Variants in PPP1R16A observed in about 807,000 individuals in gnomAD.
The protein encoded by PPP1R16A is protein phosphatase 1 regulatory subunit 16A.
Under a neutral mutation model 46.6 loss-of-function variants are expected in PPP1R16A, and 39 were observed. The observed-to-expected ratio is 0.84, with a 90% CI of 0.65 to 1.09. PPP1R16A has a LOEUF of 1.09. PPP1R16A is among the 50% of genes least tolerant of loss of function. PPP1R16A has a pLI of 0.00. For missense variants in PPP1R16A, 798 were observed against 735.6 expected, an observed-to-expected ratio of 1.08 and a Z score of -0.98; for synonymous variants, 413 against 321.5, an observed-to-expected ratio of 1.28 and a Z score of -3.04.
Position 144,497,209 on chromosome 8 carries a change from G to A in PPP1R16A, c.15G>A (p.Leu5=), listed in dbSNP as rs368411727. The change falls in exon 3 of 12, where the codon CTG becomes CTA. Residue 5 remains leucine (L), a synonymous_variant. Coordinates refer to ENST00000435887, the MANE Select transcript of PPP1R16A (RefSeq NM_001329443.2). MAEH[L]ELLAEMPMVG... The stretch of plus-strand genomic sequence containing the variant: ...CAGCCGCCGCCATGGCCGAGCACCT[G>A]GAGCTGCTGGCAGAGATGCCCATGG... 9 of 1,580,502 alleles carry A rather than the reference G, an allele frequency of 5.7e-6. No individual in the cohort carries two copies. Among genetic ancestry groups the A allele is most frequent in the Non-Finnish European group, 7.7e-6 (9 of 1,165,422 alleles).
intron 3 of PPP1R16A, chr8:144,497,757 A>G (rs377741198): frequency 6.4e-5 from 33 of 519,546 alleles, no homozygotes; most frequent in African/African-American, 6.3e-4. Flanking sequence ...GCCTGCAGAA[A>G]AACCTAGTGC....
intron 1 of PPP1R16A, among the ~76,000 whole-genome samples, chr8:144,481,902 T>G (rs1455807551): frequency 6.6e-6 from 1 of 151,686 alleles, no homozygotes; most frequent in Admixed American, 6.6e-5. Context: ...CTCAGCCTTC[T>G]GAGTAGCTGG....
chr8:144,488,922 G>A (rs1042608432), intron 1 of PPP1R16A, among the ~76,000 whole-genome samples: 2 of 151,690 alleles, frequency 1.3e-5, no homozygotes, highest in Admixed American at 6.6e-5. Flanking sequence ...GCCCCCTCCT[G>A]GCCTGGTGCA....
In PPP1R16A at chr8:144,499,303, C is replaced by CG. The variant is rs1027564455; in HGVS notation, c.476+245dup. ...GTCCTCCTGCCGAGAGGGCAGGCCT[C>CG]GGGCCCCCCCCCAGAGTGTGCACAG... On this transcript the variant is annotated intron_variant, in intron 5 of 11. Transcript: ENST00000435887. 5.4e-6 allele frequency: 3 copies of CG among 553,656 alleles called. No individual in the cohort carries two copies. In the African/African-American group the frequency reaches 5.6e-5, roughly 10 times the overall value. 34.3% of individuals were successfully genotyped at this position (553,656 alleles called of 1,614,324 possible). A position where few individuals can be genotyped will look rare whatever the true frequency, so the allele number is the denominator to read the frequency against.
intron 2 of PPP1R16A, among the ~76,000 whole-genome samples, chr8:144,490,608 C>T (rs933203018): frequency 3.9e-5 from 6 of 152,118 alleles, no homozygotes; most frequent in East Asian, 1.9e-4. Context: ...TCCAAATGAA[C>T]GGTGAACAGT....
At chr8:144,487,535 A>G (rs1825664908) in intron 1 of PPP1R16A, among the ~76,000 whole-genome samples, 1 of 152,020 alleles carries the variant, frequency 6.6e-6, no homozygotes, top group East Asian at 1.9e-4. Context: ...ATGCCTGGCT[A>G]ATTTTTTAAA....
At chr8:144,488,401 C>T (rs780585812) in intron 1 of PPP1R16A, among the ~76,000 whole-genome samples, 6 of 152,026 alleles carry the variant, frequency 3.9e-5, no homozygotes, top group Non-Finnish European at 7.4e-5. Context: ...GCTGTGGGAG[C>T]AGGAGGGCAT....
intron 5 of PPP1R16A, 119 bp downstream of exon 5, chr8:144,499,180 C>T (rs1194168276): frequency 3.7e-5 from 47 of 1,260,912 alleles, no homozygotes; most frequent in Non-Finnish European, 4.8e-5. Flanking sequence ...TTCACCTTTG[C>T]TGACCCTGCC....
rs115236518 is a variant in PPP1R16A at position 144,489,475 on chromosome 8, A to T, written c.-913-559A>T. Among the ~76,000 whole-genome samples the T allele has an allele frequency of 4.2e-3, 635 of 151,954 alleles. 3 individuals carry two copies. Among genetic ancestry groups the T allele is most frequent in the African/African-American group, 0.014 (575 of 41,430 alleles). On this transcript the variant is annotated intron_variant, in intron 1 of 11. Transcript: ENST00000435887. ...TCAGACCCTCCCTCCTGACCCCATC[A>T]CCACTCACTCGTCCAGCCACCACTT...
Position 144,496,934 on chromosome 8 carries a change from G to A in PPP1R16A, c.-261G>A, listed in dbSNP as rs1826098532. 4 of 577,014 alleles carry A rather than the reference G, an allele frequency of 6.9e-6. No individual in the cohort carries two copies. Among genetic ancestry groups the A allele is most frequent in the African/African-American group, 1.9e-5 (1 of 53,390 alleles). The allele number at this position is 577,014 out of a possible 1,614,324, so 35.7% of individuals were successfully genotyped here. A position where few individuals can be genotyped will look rare whatever the true frequency, so the allele number is the denominator to read the frequency against. On this transcript the variant is annotated 5_prime_UTR_variant, in exon 3 of 12. Transcript: ENST00000435887. ...AGAGGGAGGCGAGGCGCTGCTTGTC[G>A]ACAGCTAGAGGCTGGCCTGGGGAGC...
In PPP1R16A at chr8:144,501,109, C is replaced by T. The variant is rs771039469; in HGVS notation, c.1038-20C>T. 4 of 1,608,700 alleles carry T rather than the reference C, an allele frequency of 2.5e-6. No homozygotes were observed. Among genetic ancestry groups the T allele is most frequent in the Admixed American group, 1.7e-5 (1 of 59,904 alleles). ...CGGGCACTCCCCTTCCCCTCACTCC[C>T]TCTCCTCTCTCCTCCCCAGGAAGGT... On this transcript the variant is annotated intron_variant, in intron 10 of 11. Transcript: ENST00000435887.
chr8:144,486,850 T>A (rs1433398623), intron 1 of PPP1R16A, among the ~76,000 whole-genome samples: 1 of 152,200 alleles, frequency 6.6e-6, no homozygotes, highest in Non-Finnish European at 1.5e-5. Context: ...GTTTTTAATC[T>A]TGTCAAGGTC....
At position 144,500,927 on chromosome 8, in the gene PPP1R16A, G is replaced by A. The variant is rs1208924267; in HGVS notation, c.993G>A (p.Gln331=). 9 of 1,523,928 alleles carry A rather than the reference G, an allele frequency of 5.9e-6. No homozygotes were observed. The highest frequency in any genetic ancestry group is 2.6e-5 in the East Asian group (1 of 38,062). The allele number at this position is 1,523,928 out of a possible 1,614,324, so 94.4% of individuals were successfully genotyped here. A position where few individuals can be genotyped will look rare whatever the true frequency, so the allele number is the denominator to read the frequency against. Residue 331 remains glutamine (Q), a synonymous_variant, in exon 10 of 12, where the codon CAG becomes CAA. Transcript: ENST00000435887. The part of the protein sequence containing the change: ...HDALLRAQSR[Q]RSLLRRRTSS... ...CCCTCCTGCGCGCCCAGAGCCGCCA[G>A]CGCTCCTTGCTGCGCCGCCGCACCT...
chr8:144,491,169 A>G lies in PPP1R16A; in HGVS notation c.-735+957A>G, dbSNP rs144884107. ...GGCAAGATACCATAGCCATTCTCCC[A>G]TGGACATTGAGACCCACCTCATCTT... is the stretch of plus-strand genomic sequence containing the variant. On this transcript the variant is annotated intron_variant, in intron 2 of 11. Coordinates refer to ENST00000435887, the MANE Select transcript of PPP1R16A (RefSeq NM_001329443.2). Among the ~76,000 whole-genome samples the G allele has an allele frequency of 5.5e-3, 844 of 152,312 alleles. 7 individuals carry two copies. Among genetic ancestry groups the G allele is most frequent in the African/African-American group, 0.018 (766 of 41,566 alleles).
chr8:144,501,407 C>T, intron 11 of PPP1R16A, 113 bp downstream of exon 11: 1 of 1,478,250 alleles, frequency 6.8e-7, no homozygotes, highest in Non-Finnish European at 9.0e-7. Flanking sequence ...CCTGCAGGGG[C>T]CAGCTTTTGC....
chr8:144,480,895 GTT>G (rs1265685667), intron 1 of PPP1R16A, among the ~76,000 whole-genome samples: 1 of 146,578 alleles, frequency 6.8e-6, no homozygotes. Context: ...TGTTTGATGG[GTT>G]TTTTTTTTTG....
At position 144,497,443 on chromosome 8, in the gene PPP1R16A, C is replaced by T. The variant is rs1826129532; in HGVS notation, c.249C>T (p.Asp83=). ...TTCTGGAGGCCGCTGCCCGAAATGACCTGGAAGAAGGTGAGTGTGGCTGAG... is the reference window on the plus strand; with the variant it reads ...TTCTGGAGGCCGCTGCCCGAAATGATCTGGAAGAAGGTGAGTGTGGCTGAG... ...VVLLEAAARN[D]LEEVRQFLGS... Residue 83 remains aspartate, a synonymous_variant, in exon 3 of 12, where the codon GAC becomes GAT. Transcript: ENST00000435887. The T allele has an allele frequency of 4.3e-6, 7 of 1,612,928 alleles. No homozygotes were observed. The East Asian group carries it at 1.6e-4, about 36-fold the overall frequency.
In PPP1R16A at chr8:144,496,993, G is replaced by A. The variant is rs1044816296; in HGVS notation, c.-202G>A. 4.5e-6 allele frequency: 3 copies of A among 673,064 alleles called. No homozygotes were observed. Among genetic ancestry groups the A allele is most frequent in the Admixed American group, 2.9e-5 (1 of 34,614 alleles). 41.7% of individuals were successfully genotyped at this position (673,064 alleles called of 1,614,324 possible). A position where few individuals can be genotyped will look rare whatever the true frequency, so the allele number is the denominator to read the frequency against. On this transcript the variant is annotated 5_prime_UTR_variant, in exon 3 of 12. Coordinates refer to ENST00000435887, the MANE Select transcript of PPP1R16A (RefSeq NM_001329443.2). ...GGTGCCCTCCCACACTGCCCTCCCT[G>A]CCCCGGCCCATGCCCCCCAGGGCTG...
At position 144,501,116 on chromosome 8, in the gene PPP1R16A, C is replaced by G; in HGVS notation, c.1038-13C>G. On this transcript the variant is annotated splice_polypyrimidine_tract_variant and intron_variant, in intron 10 of 11. Transcript: ENST00000435887. ...TCCCCTTCCCCTCACTCCCTCTCCT[C>G]TCTCCTCCCCAGGAAGGTGGTGAGG... is the stretch of plus-strand genomic sequence containing the variant. 6.2e-7 allele frequency: 1 copy of G among 1,610,016 alleles called. No homozygotes were observed. Among genetic ancestry groups the G allele is most frequent in the Non-Finnish European group, 8.5e-7 (1 of 1,179,458 alleles).
Sources: gnomAD v4.1 joint callset for allele counts (sites outside exome capture counted in the v4.1 genomes callset) on GRCh38, gnomAD v4.1.1 for gene constraint, MANE v1.5 for transcripts, NCBI Gene and HGNC (gene_info 2026-07-23, HGNC 2026-07-21) for gene names.